The following FLI1 variants were observed in gnomAD, a reference collection of about 807,000 sequenced individuals.
FLI1 encodes the protein Friend leukemia integration 1 transcription factor.
FLI1 carries 13 observed loss-of-function variants against 53.1 expected under a neutral mutation model. The observed-to-expected ratio is 0.24, with a 90% confidence interval of 0.16 to 0.39. The LOEUF is 0.39. Ranked by LOEUF, FLI1 falls within the 10% of genes least tolerant of loss-of-function variation. FLI1 has a pLI of 1.00. For missense variants in FLI1, 424 were observed against 600.5 expected (o/e 0.71, Z 3.07); for synonymous variants, 244 against 236.7 (o/e 1.03, Z -0.28).
chr11:128,738,248 C>T (rs1187993604), intron 1 of FLI1, among the ~76,000 whole-genome samples: 1 of 152,190 alleles, frequency 6.6e-6, no homozygotes, highest in Non-Finnish European at 1.5e-5. Context: ...GACCAGAACC[C>T]TGGACCTCTG....
intron 1 of FLI1, among the ~76,000 whole-genome samples, chr11:128,754,434 A>T (rs1256625488): frequency 6.6e-6 from 1 of 152,236 alleles, no homozygotes; most frequent in African/African-American, 2.4e-5. Context: ...AGGGTGAAAG[A>T]GTAAAGAAAG....
At chr11:128,716,627 C>G (rs576659019) in intron 1 of FLI1, among the ~76,000 whole-genome samples, 1 of 152,222 alleles carries the variant, frequency 6.6e-6, no homozygotes, top group East Asian at 1.9e-4. Context: ...TAGCCGTGTG[C>G]CCATCAGAGC....
chr11:128,758,367 A>G, intron 2 of FLI1, 41 bp downstream of exon 2: 1 of 1,552,522 alleles, frequency 6.4e-7, no homozygotes, highest in Non-Finnish European at 8.8e-7. Flanking sequence ...GGAAGGCACA[A>G]AGTCGCCAGA....
intron 1 of FLI1, among the ~76,000 whole-genome samples, chr11:128,716,299 T>G (rs1210385486): frequency 6.6e-6 from 1 of 151,872 alleles, no homozygotes; most frequent in African/African-American, 2.4e-5. Flanking sequence ...CTTTATGGAG[T>G]GCAAAATAAA....
In FLI1 at chr11:128,772,953, T is replaced by C. The variant is rs2135844660; in HGVS notation, c.557T>C (p.Val186Ala). Residue 186 changes from valine to alanine, a missense_variant, in exon 4 of 9, where the codon GTG becomes GCG. Val to Ala is a moderately conservative substitution (Grantham distance 64, BLOSUM62 0). Transcript: ENST00000527786. Reference protein sequence around the residue: ...LRATTLYNTEVLLSHLSYLRE... With the variant: ...LRATTLYNTEALLSHLSYLRE... ...GCCACCACCCTCTACAACACGGAAGTGCTGTTGTCACACCTCAGTTACCTC... is the reference window on the plus strand; with the variant it reads ...GCCACCACCCTCTACAACACGGAAGCGCTGTTGTCACACCTCAGTTACCTC... The C allele has an allele frequency of 6.2e-7, 1 of 1,613,958 alleles. No homozygotes were observed. Among genetic ancestry groups the C allele is most frequent in the East Asian group, 2.2e-5 (1 of 44,872 alleles).
At chr11:128,738,387 T>C (rs1385826525) in intron 1 of FLI1, among the ~76,000 whole-genome samples, 1 of 152,192 alleles carries the variant, frequency 6.6e-6, no homozygotes, top group Non-Finnish European at 1.5e-5. Flanking sequence ...TTTCTCTCAT[T>C]ACTCAAATGA....
chr11:128,755,495 A>G (rs1291488293), intron 1 of FLI1, among the ~76,000 whole-genome samples: 2 of 152,210 alleles, frequency 1.3e-5, no homozygotes, highest in African/African-American at 4.8e-5. Flanking sequence ...GCGGAGCTCA[A>G]GGAATTTCAT....
upstream of FLI1, among the ~76,000 whole-genome samples, chr11:128,691,270 A>T (rs1308694503): frequency 6.6e-6 from 1 of 152,210 alleles, no homozygotes; most frequent in Non-Finnish European, 1.5e-5. Context: ...GTGCTTGGTT[A>T]GGGCGCTTCC....
At chr11:128,757,828 C>T (rs1940950833) in intron 1 of FLI1, among the ~76,000 whole-genome samples, 1 of 152,352 alleles carries the variant, frequency 6.6e-6, no homozygotes, top group Non-Finnish European at 1.5e-5. Context: ...CCTATCCCCA[C>T]CCTCCTTTTT....
intron 5 of FLI1, among the ~76,000 whole-genome samples, chr11:128,791,556 G>A (rs945454982): frequency 5.9e-5 from 9 of 152,208 alleles, no homozygotes; most frequent in African/African-American, 1.9e-4. Context: ...GGGACTATTG[G>A]ATGGATGGAT....
At chr11:128,689,722 G>A (rs964364500), upstream of FLI1, among the ~76,000 whole-genome samples, 89 of 152,342 alleles carry the variant, frequency 5.8e-4, no homozygotes, top group African/African-American at 2.0e-3. Context: ...GCCACTGGGC[G>A]AGGGTCTGGA....
At chr11:128,746,705 AGCACT>A (rs1212743549) in intron 1 of FLI1, among the ~76,000 whole-genome samples, 3 of 152,132 alleles carry the variant, frequency 2.0e-5, no homozygotes, top group Admixed American at 2.0e-4. Context: ...TCCACGAGGA[AGCACT>A]GCAGTCACTC....
chr11:128,766,686 G>A (rs573445593), intron 2 of FLI1, among the ~76,000 whole-genome samples: 6 of 151,972 alleles, frequency 3.9e-5, no homozygotes, highest in Admixed American at 3.3e-4. Flanking sequence ...CCCTGCTTGT[G>A]GGATGGGTGG....
At chr11:128,732,582 T>C (rs1939744050) in intron 1 of FLI1, among the ~76,000 whole-genome samples, 1 of 152,184 alleles carries the variant, frequency 6.6e-6, no homozygotes, top group Admixed American at 6.5e-5. Flanking sequence ...GTAGGTATTA[T>C]GAAGAAAAAC....
intron 5 of FLI1, among the ~76,000 whole-genome samples, chr11:128,802,063 G>A (rs1053427384): frequency 6.6e-6 from 1 of 152,140 alleles, no homozygotes; most frequent in East Asian, 1.9e-4. Flanking sequence ...GACACAAATC[G>A]TATTCTTGAT....
rs537137457 is a variant in FLI1 at position 128,790,128 on chromosome 11, G to T, written c.655+8105G>T. 3.4e-4 allele frequency among the ~76,000 whole-genome samples: 52 copies of T among 151,830 alleles called. No homozygotes were observed. In the Middle Eastern group the frequency reaches 0.014, roughly 40 times the overall value. Reference sequence around the variant, plus strand: ...TGCTGTTTCTGTGGTCCAAAGGCAAGATTTATGATTATGGGATAGACAGTA... The same window carrying T: ...TGCTGTTTCTGTGGTCCAAAGGCAATATTTATGATTATGGGATAGACAGTA... On this transcript the variant is annotated intron_variant, in intron 5 of 8. Transcript: ENST00000527786.
intron 1 of FLI1, among the ~76,000 whole-genome samples, chr11:128,723,216 A>G (rs1196277093): frequency 1.3e-5 from 2 of 152,182 alleles, no homozygotes; most frequent in Non-Finnish European, 2.9e-5. Context: ...CACTCACTCC[A>G]TAACAACATG....
chr11:128,808,451 A>G (rs1209614814), intron 7 of FLI1, among the ~76,000 whole-genome samples: 2 of 152,214 alleles, frequency 1.3e-5, no homozygotes, highest in Non-Finnish European at 2.9e-5. Flanking sequence ...GGCTAAATAA[A>G]CACATACGTT....
intron 1 of FLI1, among the ~76,000 whole-genome samples, chr11:128,750,443 A>G (rs558245376): frequency 6.6e-6 from 1 of 152,350 alleles, no homozygotes; most frequent in South Asian, 2.1e-4. Context: ...TCTCCCACTC[A>G]TGTCCACTTC....
Sources: allele counts gnomAD v4.1 joint callset (sites outside exome capture counted in the v4.1 genomes callset), GRCh38; gene constraint gnomAD v4.1.1; transcripts MANE v1.5; gene names NCBI Gene and HGNC (gene_info 2026-07-23, HGNC 2026-07-21).